The following ACCSL variants were observed in gnomAD, a reference collection of about 807,000 sequenced individuals.
ACCSL encodes the protein 1-aminocyclopropane-1-carboxylate synthase homolog (inactive) like, also known as probable inactive 1-aminocyclopropane-1-carboxylate synthase-like protein 2.
Under a neutral mutation model 61.7 loss-of-function variants are expected in ACCSL, and 55 were observed. The ratio of observed to expected loss-of-function variants is 0.89; its 90% CI spans 0.72 to 1.12. The LOEUF (loss-of-function observed/expected upper bound fraction) is 1.12, where lower values mean the gene tolerates loss of function less well. Ranked by LOEUF, ACCSL falls within the 50% of genes most tolerant of loss-of-function variation. ACCSL has a pLI of 0.00. For missense variants in ACCSL, 632 were observed against 698.0 expected (o/e 0.91, Z 1.07); for synonymous variants, 258 against 264.3 (o/e 0.98, Z 0.23).
chr11:43,948,729 C>G, the ACCSL span, among the ~76,000 whole-genome samples: 2 of 152,188 alleles, frequency 1.3e-5, no homozygotes, highest in Admixed American at 1.3e-4. Context: ...CCACCTCAGC[C>G]TCCCAAAGTG....
At chr11:43,943,186 G>A in the ACCSL span, 3 of 1,513,250 alleles carry the variant, frequency 2.0e-6, no homozygotes, top group South Asian at 1.3e-5. This position sits in a 1 kb window ranked among gnomAD's most constrained non-coding sequence, Gnocchi z 4.8. Context: ...GCCGCAGCAC[G>A]CAGAGCCTGT....
the ACCSL span, among the ~76,000 whole-genome samples, chr11:44,012,143 G>T: frequency 2.2e-4 from 33 of 152,044 alleles, no homozygotes; most frequent in African/African-American, 7.2e-4. Context: ...GGTCTGCTGT[G>T]GTCAGTGGGG....
At chr11:43,924,796 A>AC in the ACCSL span, among the ~76,000 whole-genome samples, 1 of 152,202 alleles carries the variant, frequency 6.6e-6, no homozygotes, top group Non-Finnish European at 1.5e-5. Context: ...CTAGGGGTGA[A>AC]CCCACCAAAG....
chr11:44,018,899 T>C, the ACCSL span, among the ~76,000 whole-genome samples: 1 of 152,246 alleles, frequency 6.6e-6, no homozygotes, highest in Non-Finnish European at 1.5e-5. Context: ...TGCAATTATC[T>C]AATTCCAAAA....
chr11:43,987,007 C>T, the ACCSL span, among the ~76,000 whole-genome samples: 3 of 152,300 alleles, frequency 2.0e-5, no homozygotes. Flanking sequence ...CTAGCAATTC[C>T]CCCACTCCAA....
chr11:43,934,795 A>G, the ACCSL span, among the ~76,000 whole-genome samples: 2 of 152,178 alleles, frequency 1.3e-5, no homozygotes, highest in Non-Finnish European at 2.9e-5. Context: ...CTTGATGTGC[A>G]TCCTGGGACA....
At chr11:44,035,956 A>C in the ACCSL span, among the ~76,000 whole-genome samples, 4 of 151,766 alleles carry the variant, frequency 2.6e-5, no homozygotes, top group South Asian at 4.1e-4. Context: ...AAAAAAAAAA[A>C]AAAAGAAAGA....
chr11:43,934,490 G>A, the ACCSL span, among the ~76,000 whole-genome samples: 15,534 of 152,074 alleles, frequency 0.1, 866 homozygotes, highest in East Asian at 0.23. Context: ...ACACACATGC[G>A]CACACACACA....
the ACCSL span, among the ~76,000 whole-genome samples, chr11:44,012,803 C>T: frequency 6.6e-6 from 1 of 152,182 alleles, no homozygotes; most frequent in East Asian, 1.9e-4. Context: ...CGGCCTAATA[C>T]ATTGTGGTCC....
the ACCSL span, among the ~76,000 whole-genome samples, chr11:44,004,168 G>T: frequency 6.6e-6 from 1 of 151,680 alleles, no homozygotes; most frequent in Non-Finnish European, 1.5e-5. Context: ...AGGCCAGGGG[G>T]CTCCCAGGAG....
At chr11:43,929,506 A>G in the ACCSL span, among the ~76,000 whole-genome samples, 1 of 152,194 alleles carries the variant, frequency 6.6e-6, no homozygotes, top group African/African-American at 2.4e-5. Context: ...CCCTGGGTTC[A>G]AGCAATTCTC....
At chr11:43,971,800 A>C in the ACCSL span, among the ~76,000 whole-genome samples, 7 of 151,556 alleles carry the variant, frequency 4.6e-5, no homozygotes, top group African/African-American at 1.7e-4. Flanking sequence ...GGCCCTTCCA[A>C]CTCCTGTGCT....
the ACCSL span, among the ~76,000 whole-genome samples, chr11:44,011,399 G>A: frequency 1.6e-4 from 25 of 152,162 alleles, no homozygotes; most frequent in African/African-American, 5.3e-4. Flanking sequence ...TAAGTGGAGG[G>A]ACTGCGTCTG....
At chr11:43,941,852 C>T in the ACCSL span, among the ~76,000 whole-genome samples, 1 of 151,560 alleles carries the variant, frequency 6.6e-6, no homozygotes, top group Admixed American at 6.6e-5. Context: ...TGGAGTAAAG[C>T]TCTCCAGATG....
chr11:44,040,133 G>A, the ACCSL span, among the ~76,000 whole-genome samples: 18 of 152,326 alleles, frequency 1.2e-4, no homozygotes, highest in African/African-American at 4.3e-4. Context: ...TTTCTGCCCT[G>A]GGTTAACCCA....
At chr11:44,015,297 G>A in the ACCSL span, among the ~76,000 whole-genome samples, 78 of 152,304 alleles carry the variant, frequency 5.1e-4, no homozygotes, top group Non-Finnish European at 9.6e-4. Flanking sequence ...TTTAAGGATG[G>A]GAAACTGAGG....
the ACCSL span, chr11:43,933,204 G>A: frequency 4.4e-6 from 2 of 455,964 alleles, no homozygotes; most frequent in Non-Finnish European, 8.8e-6. Flanking sequence ...TTTGGTAGGA[G>A]CAGCGAAACT....
At chr11:44,051,106 GC>G (rs985948810) in intron 3 of ACCSL, among the ~76,000 whole-genome samples, 12 of 152,308 alleles carry the variant, frequency 7.9e-5, no homozygotes, top group Admixed American at 7.8e-4. Context: ...CTCCCAAAGT[GC>G]TGGGATTACA....
the ACCSL span, among the ~76,000 whole-genome samples, chr11:44,004,423 C>T: frequency 6.6e-6 from 1 of 151,966 alleles, no homozygotes; most frequent in African/African-American, 2.4e-5. Context: ...CCAGCCTGTT[C>T]CAAAATTTGA....
Sources: allele counts gnomAD v4.1 joint callset (sites outside exome capture counted in the v4.1 genomes callset), GRCh38; gene constraint gnomAD v4.1.1; non-coding constraint Gnocchi (gnomAD v3.1); transcripts MANE v1.5; gene names NCBI Gene and HGNC (gene_info 2026-07-23, HGNC 2026-07-21).